Variants in VRK2 observed in about 807,000 individuals in gnomAD.
VRK2 encodes serine/threonine-protein kinase VRK2.
Under a neutral mutation model 57.6 loss-of-function variants are expected in VRK2, and 60 were observed. The ratio of observed to expected loss-of-function variants is 1.04; its 90% confidence interval spans 0.85 to 1.29. VRK2 has a LOEUF of 1.29. VRK2 is among the 50% of genes most tolerant of loss of function. The pLI is 0.00. For missense variants in VRK2, 705 were observed against 588.1 expected (o/e 1.20, Z -2.06); for synonymous variants, 231 against 199.2 (o/e 1.16, Z -1.35).
chr2:58,003,647 C>A (rs1473250889), intron 1 of VRK2, among the ~76,000 whole-genome samples: 4 of 152,096 alleles, frequency 2.6e-5, no homozygotes, highest in Non-Finnish European at 5.9e-5. Flanking sequence ...ATGTCCTCTA[C>A]CTTTTCTGGC....
At chr2:58,093,396 G>T (rs1215295307) in intron 7 of VRK2, among the ~76,000 whole-genome samples, 1 of 151,986 alleles carries the variant, frequency 6.6e-6, no homozygotes, top group Non-Finnish European at 1.5e-5. Flanking sequence ...GTTTTGATTT[G>T]CATTTCTCTG....
intron 3 of VRK2, among the ~76,000 whole-genome samples, chr2:58,041,592 C>A (rs1674458083): frequency 6.6e-6 from 1 of 152,164 alleles, no homozygotes; most frequent in Admixed American, 6.5e-5. Context: ...AAATATATTT[C>A]TTTGACATGT....
intron 8 of VRK2, among the ~76,000 whole-genome samples, chr2:58,128,126 G>C (rs1678637930): frequency 6.6e-6 from 1 of 152,100 alleles, no homozygotes. Flanking sequence ...TTCATGAAAG[G>C]ATAGTAACAT....
intron 7 of VRK2, among the ~76,000 whole-genome samples, chr2:58,108,138 C>G (rs572638027): frequency 6.6e-6 from 1 of 151,962 alleles, no homozygotes; most frequent in Non-Finnish European, 1.5e-5. Context: ...CTTACCAAAT[C>G]TCTCCTTCCT....
intron 3 of VRK2, among the ~76,000 whole-genome samples, chr2:58,034,859 A>T (rs1206905432): frequency 6.6e-6 from 1 of 151,892 alleles, no homozygotes; most frequent in Non-Finnish European, 1.5e-5. Flanking sequence ...ACTATTCTAA[A>T]CGCTTGGTGG....
chr2:58,121,710 G>A (rs1677534899), intron 7 of VRK2, among the ~76,000 whole-genome samples: 1 of 152,098 alleles, frequency 6.6e-6, no homozygotes, highest in African/African-American at 2.4e-5. Flanking sequence ...ACATTTTAAA[G>A]TGCAGATTGT....
intron 2 of VRK2, among the ~76,000 whole-genome samples, chr2:58,051,677 T>A (rs1011986831): frequency 6.6e-6 from 1 of 152,222 alleles, no homozygotes; most frequent in Admixed American, 6.5e-5. Flanking sequence ...AACTAGCTGC[T>A]CTGTCTAGCT....
At position 58,146,455 on chromosome 2, in the gene VRK2, T is replaced by C; in HGVS notation, c.1163T>C (p.Met388Thr). ...AAAGAGGAGAAACTGATTGGATTGA[T>C]GAACAATGAAGCAGCTCAGGTGAGA... ...VQKEEKLIGL[M>T]NNEAAQESTR... is the part of the protein sequence containing the mutation. Residue 388 changes from methionine (M) to threonine (T), a missense_variant, in exon 12 of 13, where the codon ATG becomes ACG. Met to Thr is a moderately conservative substitution (Grantham distance 81). Coordinates refer to ENST00000340157, the MANE Select transcript of VRK2 (RefSeq NM_006296.7). 2 of 1,610,516 alleles carry C rather than the reference T, an allele frequency of 1.2e-6. No individual in the cohort carries two copies.
At chr2:57,970,566 T>C (rs1043182391) in intron 1 of VRK2, among the ~76,000 whole-genome samples, 1 of 151,688 alleles carries the variant, frequency 6.6e-6, no homozygotes, top group Non-Finnish European at 1.5e-5. Context: ...TTGAAAGCAG[T>C]CAATGATAAA....
At chr2:57,911,808 AG>A (rs899535354) in intron 1 of VRK2, among the ~76,000 whole-genome samples, 27 of 152,312 alleles carry the variant, frequency 1.8e-4, no homozygotes, top group African/African-American at 5.8e-4. Flanking sequence ...CTGATTTCCA[AG>A]AAAAAAATCA....
chr2:58,061,566 T>C lies in VRK2; in HGVS notation c.136+12599T>C, dbSNP rs530510990. Among the ~76,000 whole-genome samples the C allele has an allele frequency of 1.1e-4, 16 of 152,074 alleles. No individual in the cohort carries two copies. The South Asian group carries it at 1.9e-3, about 18-fold the overall frequency. On this transcript the variant is annotated intron_variant, in intron 2 of 12. Coordinates refer to ENST00000340157, the MANE Select transcript of VRK2 (RefSeq NM_006296.7). ...ATAAAGACACTAAAAGGTTAAGGTT[T>C]TTCATGCACATGTAAGTAAACAGTA...
At chr2:57,925,389 C>A (rs1670498339) in intron 1 of VRK2, among the ~76,000 whole-genome samples, 1 of 152,024 alleles carries the variant, frequency 6.6e-6, no homozygotes, top group South Asian at 2.1e-4. Flanking sequence ...TGTTCTTGGT[C>A]TGTTCAGGTT....
chr2:58,082,614 A>T (rs562613170), intron 2 of VRK2, among the ~76,000 whole-genome samples: 3 of 150,624 alleles, frequency 2.0e-5, no homozygotes, highest in Admixed American at 1.3e-4. Context: ...CCCTGTGTAT[A>T]CTTTCTTAAG....
intron 1 of VRK2, among the ~76,000 whole-genome samples, chr2:57,994,328 A>G (rs1429665461): frequency 1.3e-5 from 2 of 152,206 alleles, no homozygotes; most frequent in African/African-American, 2.4e-5. Flanking sequence ...AAACTGTGTA[A>G]GTTTAAAGAG....
At chr2:58,100,946 T>C (rs998570390) in intron 7 of VRK2, among the ~76,000 whole-genome samples, 2 of 151,896 alleles carry the variant, frequency 1.3e-5, no homozygotes, top group South Asian at 2.1e-4. Flanking sequence ...AGTGTTCCTA[T>C]TGTCCAAATA....
intron 2 of VRK2, chr2:58,028,362 T>C (rs1281774692): frequency 1.3e-5 from 2 of 152,182 alleles, no homozygotes; most frequent in African/African-American, 4.8e-5. Flanking sequence ...AGTCTATCAT[T>C]GTTGGACATT....
At position 57,997,451 on chromosome 2, in the gene VRK2, G is replaced by A. The variant is rs139957912; in HGVS notation, c.-438-28214G>A. Among the ~76,000 whole-genome samples the A allele has an allele frequency of 1.9e-4, 29 of 152,110 alleles. No homozygotes were observed. In the East Asian group the frequency reaches 5.2e-3, roughly 27 times the overall value. On this transcript the variant is annotated intron_variant, in intron 1 of 15. Coordinates refer to the VRK2 transcript ENST00000417641. Reference sequence around the variant, plus strand: ...GGAAACTACTATGCATTGAAGTGACGGATTATTTTAAGTTACAAAGTTAAA... The same window carrying A: ...GGAAACTACTATGCATTGAAGTGACAGATTATTTTAAGTTACAAAGTTAAA...
intron 7 of VRK2, among the ~76,000 whole-genome samples, chr2:58,099,524 T>C (rs1673658088): frequency 6.6e-6 from 1 of 152,058 alleles, no homozygotes. Flanking sequence ...GCTTAAGGCA[T>C]GAGGCCAGTC....
At chr2:58,105,846 A>G (rs1674675402) in intron 7 of VRK2, among the ~76,000 whole-genome samples, 1 of 151,950 alleles carries the variant, frequency 6.6e-6, no homozygotes, top group Non-Finnish European at 1.5e-5. Context: ...GTGTAAACCA[A>G]GTAGGCTACT....
Sources: allele counts gnomAD v4.1 joint callset (sites outside exome capture counted in the v4.1 genomes callset), GRCh38; gene constraint gnomAD v4.1.1; transcripts MANE v1.5; gene names NCBI Gene and HGNC (gene_info 2026-07-23, HGNC 2026-07-21).